GRID2: variants seen among roughly 807,000 people sequenced by gnomAD.
GRID2 encodes glutamate receptor ionotropic, delta-2.
GRID2 carries 33 observed loss-of-function variants against 114.8 expected under a neutral mutation model. That is an observed-to-expected ratio of 0.29 (90% CI 0.22 to 0.38). GRID2 has a LOEUF of 0.38. Ranked by LOEUF, GRID2 falls within the 10% of genes least tolerant of loss-of-function variation. The pLI, the probability that GRID2 is intolerant of heterozygous loss-of-function variation, is 1.00. For missense variants in GRID2, 1,184 were observed against 1,257.7 expected, an observed-to-expected ratio of 0.94 and a Z score of 0.89; for synonymous variants, 505 against 449.9, an observed-to-expected ratio of 1.12 and a Z score of -1.55.
At chr4:93,252,195 G>T (rs1749025445) in intron 8 of GRID2, among the ~76,000 whole-genome samples, 1 of 151,892 alleles carries the variant, frequency 6.6e-6, no homozygotes, top group East Asian at 1.9e-4. Flanking sequence ...TTTAGAGTTT[G>T]GGGTTTTACA....
In GRID2 at chr4:93,797,750, G is replaced by C. The variant is rs971558919; in HGVS notation, c.222-8965G>C. Among the ~76,000 whole-genome samples, 8 of 150,448 alleles carry C rather than the reference G, an allele frequency of 5.3e-5. 1 individual carries two copies. The highest frequency in any genetic ancestry group is 2.0e-4 in the African/African-American group (8 of 40,826). On this transcript the variant is annotated intron_variant, in intron 1 of 1. Coordinates refer to the GRID2 transcript ENST00000637838. ...CCTGTCTTTGGTAAAAACTTAATCA[G>C]AGAGAGAATGTTAGCTCTGGAGAGG...
intron 2 of GRID2, among the ~76,000 whole-genome samples, chr4:92,829,251 A>G (rs756027694): frequency 6.6e-6 from 1 of 152,152 alleles, no homozygotes; most frequent in Non-Finnish European, 1.5e-5. Flanking sequence ...CAGTTTTCCC[A>G]GCACCATTTA....
At chr4:93,259,733 C>A (rs1750042507) in intron 8 of GRID2, among the ~76,000 whole-genome samples, 1 of 151,690 alleles carries the variant, frequency 6.6e-6, no homozygotes, top group Admixed American at 6.6e-5. Flanking sequence ...TTTTTCAATT[C>A]ATTTTATAAA....
intron 2 of GRID2, among the ~76,000 whole-genome samples, chr4:92,879,923 C>T (rs1390701752): frequency 6.6e-6 from 1 of 152,108 alleles, no homozygotes; most frequent in Non-Finnish European, 1.5e-5. Context: ...AATTGGAATC[C>T]AGTAGGTAAC....
chr4:92,470,737 A>C (rs1477014561), intron 1 of GRID2, among the ~76,000 whole-genome samples: 1 of 152,068 alleles, frequency 6.6e-6, no homozygotes. Context: ...GGCCAAAGAC[A>C]TAAAATTACG....
At chr4:92,929,113 C>T (rs1444000119) in intron 2 of GRID2, among the ~76,000 whole-genome samples, 1 of 151,310 alleles carries the variant, frequency 6.6e-6, no homozygotes, top group East Asian at 1.9e-4. Context: ...ATTAGAAATA[C>T]TTTAAAAAGG....
chr4:92,734,576 G>A (rs1046166516), intron 2 of GRID2, among the ~76,000 whole-genome samples: 3 of 151,462 alleles, frequency 2.0e-5, no homozygotes, highest in African/African-American at 7.3e-5. Context: ...GAACCACCTC[G>A]CCCAGCCTTA....
At chr4:92,538,235 A>G (rs2149159735) in intron 1 of GRID2, among the ~76,000 whole-genome samples, 1 of 152,308 alleles carries the variant, frequency 6.6e-6, no homozygotes, top group African/African-American at 2.4e-5. Flanking sequence ...AGCCTGTAGG[A>G]CTTTATATTC....
chr4:93,603,235 G>GAAAAT (rs1321234246), intron 13 of GRID2, among the ~76,000 whole-genome samples: 1 of 151,990 alleles, frequency 6.6e-6, no homozygotes, highest in Non-Finnish European at 1.5e-5. Context: ...GAAAAGAAAA[G>GAAAAT]AAAAGAACGT....
At chr4:93,162,105 T>G (rs1737743111) in intron 4 of GRID2, among the ~76,000 whole-genome samples, 1 of 151,816 alleles carries the variant, frequency 6.6e-6, no homozygotes, top group South Asian at 2.1e-4. Flanking sequence ...AGGACTGTCA[T>G]AGTGGAAAGC....
intron 2 of GRID2, among the ~76,000 whole-genome samples, chr4:92,712,105 A>G (rs1735283753): frequency 6.6e-6 from 1 of 151,038 alleles, no homozygotes; most frequent in Middle Eastern, 3.4e-3. Context: ...AATCTGATCA[A>G]CACGAAAAAT....
chr4:92,898,776 T>C (rs900656009), intron 2 of GRID2, among the ~76,000 whole-genome samples: 3 of 152,126 alleles, frequency 2.0e-5, no homozygotes, highest in Non-Finnish European at 4.4e-5. Context: ...ATACCATCCT[T>C]TTATACTCAT....
rs1051374102 is a variant in GRID2 at position 92,865,827 on chromosome 4, G to A, written c.245-219168G>A. ...AGTTTGATTATCAAGAAACGGCAAA[G>A]CAAAAATACTCTTGTTTGAAAATAT... On this transcript the variant is annotated intron_variant, in intron 2 of 15. Coordinates refer to ENST00000282020, the MANE Select transcript of GRID2 (RefSeq NM_001510.4). 2.0e-5 allele frequency among the ~76,000 whole-genome samples: 3 copies of A among 152,140 alleles called. No individual in the cohort carries two copies. The East Asian group carries it at 5.8e-4, about 29-fold the overall frequency.
At chr4:92,727,911 A>C (rs921031335) in intron 2 of GRID2, among the ~76,000 whole-genome samples, 1 of 152,060 alleles carries the variant, frequency 6.6e-6, no homozygotes, top group Non-Finnish European at 1.5e-5. Context: ...TCCCCTTCCA[A>C]TATACGGCTT....
intron 8 of GRID2, among the ~76,000 whole-genome samples, chr4:93,327,404 A>G (rs1237193491): frequency 6.6e-6 from 1 of 152,180 alleles, no homozygotes; most frequent in Non-Finnish European, 1.5e-5. Context: ...CAAAACCCTA[A>G]AAATTATCTT....
At chr4:92,976,075 T>C (rs1753852769) in intron 2 of GRID2, among the ~76,000 whole-genome samples, 1 of 152,102 alleles carries the variant, frequency 6.6e-6, no homozygotes, top group South Asian at 2.1e-4. Context: ...AAGCAGAGAA[T>C]ATCCAGTTTT....
intron 2 of GRID2, among the ~76,000 whole-genome samples, chr4:92,596,549 T>C (rs1340095427): frequency 6.6e-6 from 1 of 152,018 alleles, no homozygotes; most frequent in African/African-American, 2.4e-5. Flanking sequence ...TATTACTTTT[T>C]CTCCTTGCCT....
Position 93,628,530 on chromosome 4 carries a change from G to A in GRID2, c.2360+2095G>A, listed in dbSNP as rs544957448. 5.9e-5 allele frequency among the ~76,000 whole-genome samples: 9 copies of A among 152,170 alleles called. No individual in the cohort carries two copies. The East Asian group carries it at 1.7e-3, about 29-fold the overall frequency. On this transcript the variant is annotated intron_variant, in intron 14 of 15. Coordinates refer to ENST00000282020, the MANE Select transcript of GRID2 (RefSeq NM_001510.4). ...AAATACGGAGAAGGAACAAATAGAAGAGACCCTTCTAAGGGAAGAAACACA... is the reference window on the plus strand; with the variant it reads ...AAATACGGAGAAGGAACAAATAGAAAAGACCCTTCTAAGGGAAGAAACACA...
At chr4:92,381,678 A>G (rs1053154150) in intron 1 of GRID2, among the ~76,000 whole-genome samples, 18 of 152,016 alleles carry the variant, frequency 1.2e-4, no homozygotes, top group Admixed American at 6.6e-5. Flanking sequence ...AACCATCACC[A>G]TATGGAAGTA....
Sources: gnomAD v4.1 joint callset for allele counts (sites outside exome capture counted in the v4.1 genomes callset) on GRCh38, gnomAD v4.1.1 for gene constraint, MANE v1.5 for transcripts, NCBI Gene and HGNC (gene_info 2026-07-23, HGNC 2026-07-21) for gene names.